The following STS variants were observed in gnomAD, a reference collection of about 807,000 sequenced individuals.
The protein encoded by STS is steroid sulfatase.
A neutral mutation model predicts 26.8 loss-of-function variants in STS; 7 were observed. The ratio of observed to expected loss-of-function variants is 0.26; its 90% CI spans 0.15 to 0.49. The LOEUF (loss-of-function observed/expected upper bound fraction) is 0.49. STS is among the 20% of genes least tolerant of loss of function. The pLI is 0.98. For missense variants in STS, 434 were observed against 465.6 expected (o/e 0.93, Z 0.63); for synonymous variants, 199 against 189.4 (o/e 1.05, Z -0.42).
chrX:7,315,572 C>T (rs1010769394), intron 8 of STS, among the ~76,000 whole-genome samples: 1 of 111,532 alleles, frequency 9.0e-6, no homozygotes, highest in South Asian at 3.8e-4. Context: ...AAAGCCAGTC[C>T]GAGTTCCAAA....
At chrX:7,199,430 T>A (rs531218181) in intron 2 of STS, among the ~76,000 whole-genome samples, 1 of 112,297 alleles carries the variant, frequency 8.9e-6, no homozygotes, top group South Asian at 3.6e-4. Flanking sequence ...CTGAATGTTA[T>A]AGCATAGTAG....
At chrX:7,327,494 C>A (rs1927538203) in intron 9 of STS, among the ~76,000 whole-genome samples, 1 of 109,281 alleles carries the variant, frequency 9.2e-6, no homozygotes. Flanking sequence ...AGCGATCCTC[C>A]CACCCCAGCC....
chrX:7,282,351 C>T (rs1486199621), intron 7 of STS, among the ~76,000 whole-genome samples: 2 of 111,688 alleles, frequency 1.8e-5, no homozygotes, highest in East Asian at 5.6e-4. Flanking sequence ...CAGATGCTTG[C>T]CCCCAAGCCC....
At chrX:7,215,073 G>T (rs942915354) in intron 2 of STS, among the ~76,000 whole-genome samples, 1 of 79,679 alleles carries the variant, frequency 1.3e-5, no homozygotes, top group Non-Finnish European at 2.4e-5. Flanking sequence ...ATATATACAC[G>T]TATATATGTA....
intron 8 of STS, among the ~76,000 whole-genome samples, chrX:7,305,695 C>A (rs905097822): frequency 1.8e-5 from 2 of 111,797 alleles, no homozygotes; most frequent in Non-Finnish European, 3.8e-5. Flanking sequence ...ATGGCCCCTT[C>A]TTCCATGTGG....
At chrX:7,280,220 G>A (rs1270827573) in intron 7 of STS, among the ~76,000 whole-genome samples, 4 of 111,533 alleles carry the variant, frequency 3.6e-5, no homozygotes, top group Non-Finnish European at 7.5e-5. Flanking sequence ...TATAGGTTTA[G>A]GGGAGAATGT....
chrX:7,248,247 A>C, intron 2 of STS, among the ~76,000 whole-genome samples: 1 of 112,114 alleles, frequency 8.9e-6, no homozygotes, highest in Non-Finnish European at 1.9e-5. Context: ...TTCCAAGCTC[A>C]ACAGATTAAC....
intron 1 of STS, among the ~76,000 whole-genome samples, chrX:7,167,751 G>A (rs2146995002): frequency 9.0e-6 from 1 of 111,302 alleles, no homozygotes; most frequent in South Asian, 3.8e-4. Flanking sequence ...CTGTTGCTTG[G>A]ATCATGGCTC....
intron 8 of STS, among the ~76,000 whole-genome samples, chrX:7,324,258 A>G (rs1927250150): frequency 9.0e-6 from 1 of 110,955 alleles, no homozygotes; most frequent in Non-Finnish European, 1.9e-5. Context: ...AAAGACCTGC[A>G]GTCAATAGAA....
chrX:7,218,929 G>T (rs1449197509), intron 2 of STS, among the ~76,000 whole-genome samples: 1 of 111,054 alleles, frequency 9.0e-6, no homozygotes, highest in African/African-American at 3.3e-5. Context: ...GTGGTTATAA[G>T]ATCAACGATT....
intron 6 of STS, among the ~76,000 whole-genome samples, chrX:7,272,279 A>T (rs1381992882): frequency 9.3e-6 from 1 of 106,964 alleles, no homozygotes; most frequent in African/African-American, 3.4e-5. Flanking sequence ...TGTGGACCAT[A>T]GGAGATGACC....
chrX:7,272,343 C>G (rs1169390435), intron 6 of STS, among the ~76,000 whole-genome samples: 1 of 109,578 alleles, frequency 9.1e-6, no homozygotes, highest in Admixed American at 9.7e-5. Flanking sequence ...AGTCCCTGCT[C>G]TAGAGCAACT....
At chrX:7,251,875 C>A (rs1157963993) in intron 2 of STS, among the ~76,000 whole-genome samples, 1 of 110,841 alleles carries the variant, frequency 9.0e-6, no homozygotes, top group South Asian at 3.9e-4. Context: ...ATGGGAGAAT[C>A]GCTTGAGCCC....
rs1288727784 is a variant in STS at position 7,353,096 on chromosome X, G to T, written c.*2835G>T. On this transcript the variant is annotated 3_prime_UTR_variant, in exon 11 of 11. Transcript: ENST00000674429. ...GTGCGCTAATACCCTGCTTTCTATC[G>T]TGACTCAATTCAACAATGTGGGGAA... 9.0e-6 allele frequency: 1 copy of T among 111,717 alleles called. No individual in the cohort carries two copies. The highest frequency in any genetic ancestry group is 3.7e-4 in the South Asian group (1 of 2,711). The allele number at this position is 111,717 out of a possible 1,213,427, so 9.2% of individuals were successfully genotyped here.
At chrX:7,323,773 G>C (rs1191473638) in intron 8 of STS, among the ~76,000 whole-genome samples, 4 of 111,816 alleles carry the variant, frequency 3.6e-5, no homozygotes, top group African/African-American at 1.3e-4. Flanking sequence ...GCAGGGCTAT[G>C]TTTCTTGCTG....
At chrX:7,246,762 C>T (rs1309860222) in intron 2 of STS, among the ~76,000 whole-genome samples, 1 of 112,161 alleles carries the variant, frequency 8.9e-6, no homozygotes, top group African/African-American at 3.2e-5. Flanking sequence ...GTTACACTCT[C>T]AGTCTGTGTC....
At chrX:7,317,102 C>G (rs1324281734) in intron 8 of STS, among the ~76,000 whole-genome samples, 3 of 111,652 alleles carry the variant, frequency 2.7e-5, no homozygotes, top group Non-Finnish European at 5.6e-5. Flanking sequence ...ATCCTCGCTA[C>G]GCTTGCCTAG....
At chrX:7,289,577 T>C (rs1429280842) in intron 7 of STS, among the ~76,000 whole-genome samples, 1 of 111,794 alleles carries the variant, frequency 8.9e-6, no homozygotes, top group Admixed American at 9.5e-5. Flanking sequence ...TGTGGGTCCT[T>C]ACCTGTGGAA....
In STS at chrX:7,249,452, G is replaced by T. The variant is rs774773116; in HGVS notation, c.-4-3744G>T. On this transcript the variant is annotated intron_variant, in intron 2 of 10. Transcript: ENST00000674429. Reference sequence around the variant, plus strand: ...GTATCCTTATCATCAGCCACCAGTGGTGGGACTCAGACTGGGTAGGCAGTG... The same window carrying T: ...GTATCCTTATCATCAGCCACCAGTGTTGGGACTCAGACTGGGTAGGCAGTG... Among the ~76,000 whole-genome samples, 6 of 111,633 alleles carry T rather than the reference G, an allele frequency of 5.4e-5. No homozygotes were observed. The South Asian group carries it at 2.3e-3, about 42-fold the overall frequency.
Sources: allele counts gnomAD v4.1 joint callset (sites outside exome capture counted in the v4.1 genomes callset), GRCh38; gene constraint gnomAD v4.1.1; transcripts MANE v1.5; gene names NCBI Gene and HGNC (gene_info 2026-07-23, HGNC 2026-07-21).